The following MTFR1 variants were observed in gnomAD, a reference collection of about 807,000 sequenced individuals.
The protein encoded by MTFR1 is chondrocyte protein with a poly-proline region.
A neutral mutation model predicts 38.8 loss-of-function variants in MTFR1; 28 were observed. That is an observed-to-expected ratio of 0.72 (90% CI 0.53 to 0.99). The LOEUF is 0.99. Among genes scored for constraint, MTFR1 ranks in the 50% least tolerant of loss-of-function variants. MTFR1 has a pLI of 0.00. For synonymous variants in MTFR1, 145 were observed against 137.0 expected (o/e 1.06, Z -0.41); for missense variants, 358 against 395.5 (o/e 0.91, Z 0.81).
At chr8:65,758,961 G>A (rs531060468) in intron 3 of MTFR1, among the ~76,000 whole-genome samples, 36 of 152,198 alleles carry the variant, frequency 2.4e-4, no homozygotes, top group African/African-American at 7.2e-4. Context: ...TCTCTCTTGC[G>A]GAGAAACAGG....
the MTFR1 span, among the ~76,000 whole-genome samples, chr8:65,777,080 T>C: frequency 6.9e-6 from 1 of 144,930 alleles, no homozygotes. Flanking sequence ...TCAAATGCTT[T>C]TTTTTTTTTT....
At chr8:65,733,239 T>G (rs1806976741) in intron 3 of MTFR1, among the ~76,000 whole-genome samples, 1 of 152,178 alleles carries the variant, frequency 6.6e-6, no homozygotes, top group Admixed American at 6.5e-5. Flanking sequence ...CCTGCTCACC[T>G]GGCATCACCC....
At chr8:65,662,713 A>C (rs1337600165) in intron 1 of MTFR1, among the ~76,000 whole-genome samples, 17 of 89,240 alleles carry the variant, frequency 1.9e-4, no homozygotes, top group Admixed American at 4.5e-4. Flanking sequence ...CGGCAGCCAC[A>C]CCGTCTGAGA....
intron 3 of MTFR1, among the ~76,000 whole-genome samples, chr8:65,691,712 C>T (rs1471362121): frequency 6.6e-6 from 1 of 152,054 alleles, no homozygotes; most frequent in Non-Finnish European, 1.5e-5. Context: ...TGCAGTAGCG[C>T]AATCTCAGCT....
chr8:65,768,680 G>A lies in MTFR1; in HGVS notation c.*49-2267G>A, dbSNP rs1808922899. Among the ~76,000 whole-genome samples the A allele has an allele frequency of 2.6e-5, 4 of 152,170 alleles. No individual in the cohort carries two copies. The South Asian group carries it at 8.3e-4, about 32-fold the overall frequency. On this transcript the variant is annotated intron_variant, in intron 3 of 3. Coordinates refer to the MTFR1 transcript ENST00000521247. Reference sequence around the variant, plus strand: ...ATCACAAAATAGAACATTTCCCAGAGAAGAAAATACTATTTCAAGAAAATA... The same window carrying A: ...ATCACAAAATAGAACATTTCCCAGAAAAGAAAATACTATTTCAAGAAAATA...
chr8:65,746,301 T>TATA (rs1291352807), intron 3 of MTFR1, among the ~76,000 whole-genome samples: 1 of 152,142 alleles, frequency 6.6e-6, no homozygotes, highest in Non-Finnish European at 1.5e-5. Context: ...CTTGCTCAGC[T>TATA]ATAAAGTGAT....
At chr8:65,650,832 A>G (rs1471282707) in intron 1 of MTFR1, among the ~76,000 whole-genome samples, 1 of 152,216 alleles carries the variant, frequency 6.6e-6, no homozygotes, top group Non-Finnish European at 1.5e-5. Flanking sequence ...AGTGAGATTG[A>G]CGAGTCATAT....
chr8:65,727,143 A>G, intron 3 of MTFR1: 1 of 1,338,406 alleles, frequency 7.5e-7, no homozygotes, highest in East Asian at 2.3e-5. Flanking sequence ...CAAAAATAAT[A>G]AATCTTGATG....
chr8:65,685,021 T>C (rs1805030819), intron 3 of MTFR1, among the ~76,000 whole-genome samples: 1 of 152,142 alleles, frequency 6.6e-6, no homozygotes, highest in Non-Finnish European at 1.5e-5. Flanking sequence ...ATAAAAAGCA[T>C]TTTGTCTGCT....
At chr8:65,761,569 T>C (rs1479825638) in intron 3 of MTFR1, among the ~76,000 whole-genome samples, 2 of 152,250 alleles carry the variant, frequency 1.3e-5, no homozygotes, top group Non-Finnish European at 2.9e-5. Flanking sequence ...CTCAGTGAAT[T>C]AATCAAGTTA....
intron 1 of MTFR1, among the ~76,000 whole-genome samples, chr8:65,668,530 T>TC (rs1231310100): frequency 1.2e-4 from 18 of 147,290 alleles, no homozygotes; most frequent in Admixed American, 8.2e-4. Flanking sequence ...TTTTTCTTTT[T>TC]TTTTTTTTTT....
chr8:65,742,268 T>G (rs1807473799), intron 3 of MTFR1, among the ~76,000 whole-genome samples: 1 of 152,208 alleles, frequency 6.6e-6, no homozygotes, highest in South Asian at 2.1e-4. Flanking sequence ...AGATGGGATC[T>G]GGTTGGAAGG....
chr8:65,745,335 G>A (rs534555838), intron 3 of MTFR1: 59 of 870,004 alleles, frequency 6.8e-5, no homozygotes, highest in Admixed American at 5.9e-4. Context: ...TGAAAGCAAC[G>A]CACCAGCGGC....
At chr8:65,768,225 C>T (rs115720038) in intron 3 of MTFR1, among the ~76,000 whole-genome samples, 2,562 of 152,294 alleles carry the variant, frequency 0.017, 77 homozygotes, top group African/African-American at 0.059. Flanking sequence ...TAAACAGTAT[C>T]TTTAATGAGC....
intron 3 of MTFR1, among the ~76,000 whole-genome samples, chr8:65,757,973 C>T (rs1032072735): frequency 3.9e-5 from 6 of 152,200 alleles, no homozygotes; most frequent in Non-Finnish European, 7.3e-5. Flanking sequence ...CCCACTTACT[C>T]ATTTATTTAC....
chr8:65,718,066 C>T (rs1806212380), intron 2 of MTFR1: 1 of 152,230 alleles, frequency 6.6e-6, no homozygotes. Flanking sequence ...GAAAACAATG[C>T]ACTTTTTTCA....
intron 2 of MTFR1, among the ~76,000 whole-genome samples, chr8:65,681,196 G>A (rs1245741672): frequency 1.3e-5 from 2 of 152,058 alleles, no homozygotes; most frequent in Non-Finnish European, 2.9e-5. Context: ...ACAGGCGTGA[G>A]CCACCGCGCC....
chr8:65,697,998 C>T (rs963064880), intron 4 of MTFR1, among the ~76,000 whole-genome samples: 6 of 151,900 alleles, frequency 3.9e-5, no homozygotes, highest in African/African-American at 7.3e-5. Flanking sequence ...AAAAGTTTTT[C>T]GTTTTGATGA....
Position 65,707,935 on chromosome 8 carries a change from A to G in MTFR1, c.857A>G (p.Tyr286Cys), listed in dbSNP as rs1805833977. 2 of 1,614,064 alleles carry G rather than the reference A, an allele frequency of 1.2e-6. No homozygotes were observed. Among genetic ancestry groups the G allele is most frequent in the Middle Eastern group, 1.6e-4 (1 of 6,062 alleles). The change falls in exon 7 of 8, where the codon TAT becomes TGT. Residue 286 changes from tyrosine to cysteine, a missense_variant. By Grantham distance (194) the Tyr-to-Cys change is radical (BLOSUM62 -2). Coordinates refer to ENST00000262146, the MANE Select transcript of MTFR1 (RefSeq NM_014637.4). ...EALKKKFAYR[Y>C]RSDSQDEVEK... ...CTGAAAAAGAAATTTGCTTATCGGT[A>G]TCGAAGTGATAGCCAAGATGAAGTT...
Sources: gnomAD v4.1 joint callset for allele counts (sites outside exome capture counted in the v4.1 genomes callset) on GRCh38, gnomAD v4.1.1 for gene constraint, MANE v1.5 for transcripts, NCBI Gene and HGNC (gene_info 2026-07-23, HGNC 2026-07-21) for gene names.